The following SRRM3 variants were observed in gnomAD, a reference collection of about 807,000 sequenced individuals.
The protein encoded by SRRM3 is serine/arginine repetitive matrix 3, also known as serine/arginine repetitive matrix protein 3.
SRRM3 carries 27 observed loss-of-function variants against 66.2 expected under a neutral mutation model. That is an observed-to-expected ratio of 0.41 (90% CI 0.30 to 0.56). SRRM3 has a LOEUF of 0.56. Among genes scored for constraint, SRRM3 ranks in the 20% least tolerant of loss-of-function variants. SRRM3 has a pLI of 0.32. For synonymous variants in SRRM3, 391 were observed against 414.9 expected, an observed-to-expected ratio of 0.94 and a Z score of 0.70; for missense variants, 918 against 991.9, an observed-to-expected ratio of 0.93 and a Z score of 1.00.
At chr7:76,244,689 G>T (rs1044600164) in intron 2 of SRRM3, among the ~76,000 whole-genome samples, 2 of 151,898 alleles carry the variant, frequency 1.3e-5, no homozygotes, top group East Asian at 3.9e-4. Context: ...TCCATTTCTC[G>T]CCCTTCATCC....
At chr7:76,246,078 G>A (rs1377161850) in intron 2 of SRRM3, among the ~76,000 whole-genome samples, 3 of 152,210 alleles carry the variant, frequency 2.0e-5, no homozygotes, top group Middle Eastern at 3.4e-3. Context: ...CCTAGACAAC[G>A]ACCTGCAGCC....
chr7:76,281,322 GTC>G lies in SRRM3; in HGVS notation c.1009-115_1009-114del, dbSNP rs1554611867. On this transcript the variant is annotated intron_variant, in intron 11 of 14. Coordinates refer to ENST00000611745, the MANE Select transcript of SRRM3 (RefSeq NM_001110199.3). The stretch of plus-strand genomic sequence containing the variant: ...CTCCCTCTTTCCTCTTTCTGTCTCT[GTC>G]TCTGTCTCTTTCTTTCAATCTCTCT... The G allele has an allele frequency of 4.4e-6, 3 of 684,788 alleles. No individual in the cohort carries two copies. In the African/African-American group the frequency reaches 5.9e-5, roughly 13 times the overall value. The allele number at this position is 684,788 out of a possible 1,614,324, so 42.4% of individuals were successfully genotyped here. A position where few individuals can be genotyped will look rare whatever the true frequency, so the allele number is the denominator to read the frequency against.
chr7:76,206,405 G>A (rs1370226473), intron 1 of SRRM3, among the ~76,000 whole-genome samples: 1 of 152,114 alleles, frequency 6.6e-6, no homozygotes, highest in Admixed American at 6.6e-5. Context: ...GGAGTGGGAT[G>A]CCCAGGAGAA....
At chr7:76,214,323 A>T (rs1583868721) in intron 1 of SRRM3, among the ~76,000 whole-genome samples, 1 of 151,316 alleles carries the variant, frequency 6.6e-6, no homozygotes, top group African/African-American at 2.4e-5. Context: ...GGCAAGGAAG[A>T]CCTCCCTTCA....
At chr7:76,210,231 G>C (rs572244649) in intron 1 of SRRM3, among the ~76,000 whole-genome samples, 18 of 152,136 alleles carry the variant, frequency 1.2e-4, no homozygotes, top group Non-Finnish European at 2.4e-4. Context: ...AGAGGAGTGG[G>C]CTTCAAGACT....
At chr7:76,217,581 TG>T (rs2116954194) in intron 1 of SRRM3, among the ~76,000 whole-genome samples, 1 of 152,244 alleles carries the variant, frequency 6.6e-6, no homozygotes, top group East Asian at 1.9e-4. Flanking sequence ...CCATCACACC[TG>T]GGCGCAAATG....
chr7:76,261,325 C>A, intron 6 of SRRM3, 27 bp from the exon 7 acceptor site: 1 of 659,056 alleles, frequency 1.5e-6, no homozygotes, highest in Non-Finnish European at 2.4e-6. Flanking sequence ...CCCCAGCTCA[C>A]TAGAGCCCAC....
chr7:76,205,564 C>G (rs1800280571), intron 1 of SRRM3, among the ~76,000 whole-genome samples: 2 of 152,204 alleles, frequency 1.3e-5, no homozygotes, highest in Admixed American at 1.3e-4. Flanking sequence ...CCCCAAAATT[C>G]CATGAATAAG....
At chr7:76,246,558 C>T (rs570755387) in intron 2 of SRRM3, among the ~76,000 whole-genome samples, 1 of 151,726 alleles carries the variant, frequency 6.6e-6, no homozygotes. Context: ...AACGAAACTC[C>T]GTCTCAAAAA....
intron 1 of SRRM3, among the ~76,000 whole-genome samples, chr7:76,216,641 T>C (rs1453410521): frequency 6.6e-6 from 1 of 152,036 alleles, no homozygotes; most frequent in Non-Finnish European, 1.5e-5. Context: ...GGTGGGAGGG[T>C]CAGGCTCTCA....
At chr7:76,206,141 A>G (rs782307684) in intron 1 of SRRM3, among the ~76,000 whole-genome samples, 1 of 152,132 alleles carries the variant, frequency 6.6e-6, no homozygotes, top group Non-Finnish European at 1.5e-5. Context: ...CCGAATAGCT[A>G]GGACTGCAGG....
chr7:76,246,363 T>C (rs1412895318), intron 2 of SRRM3, among the ~76,000 whole-genome samples: 5 of 151,792 alleles, frequency 3.3e-5, no homozygotes, highest in African/African-American at 1.2e-4. Flanking sequence ...CAGGAGTTCA[T>C]GACCAGCCTG....
At position 76,265,359 on chromosome 7, in the gene SRRM3, G is replaced by C. The variant is rs782636737; in HGVS notation, c.726-5G>C. On this transcript the variant is annotated splice_region_variant and splice_polypyrimidine_tract_variant and intron_variant, in intron 9 of 14. Transcript: ENST00000611745. ...GTACAGGCTGATTTCCCCCATCCAC[G>C]CCAGGCCTCACACAGAGTCCCCAGG... 1.3e-6 allele frequency: 2 copies of C among 1,592,620 alleles called. No individual in the cohort carries two copies. The highest frequency in any genetic ancestry group is 1.1e-5 in the South Asian group (1 of 87,342).
intron 11 of SRRM3, among the ~76,000 whole-genome samples, chr7:76,270,580 G>A (rs782413670): frequency 6.6e-6 from 1 of 152,102 alleles, no homozygotes; most frequent in Non-Finnish European, 1.5e-5. Flanking sequence ...GGGAGGCTGA[G>A]GTGGGCAGAT....
At chr7:76,255,310 C>A (rs1353043947) in intron 3 of SRRM3, among the ~76,000 whole-genome samples, 1 of 151,932 alleles carries the variant, frequency 6.6e-6, no homozygotes, top group Non-Finnish European at 1.5e-5. Flanking sequence ...CCACCACACC[C>A]AGCTAATTTT....
At chr7:76,239,055 G>A (rs567968641) in intron 2 of SRRM3, among the ~76,000 whole-genome samples, 10 of 150,616 alleles carry the variant, frequency 6.6e-5, no homozygotes, top group East Asian at 2.0e-4. Flanking sequence ...TCCCTTAGGC[G>A]GAGTTTCACT....
intron 2 of SRRM3, among the ~76,000 whole-genome samples, chr7:76,237,203 C>G (rs1431461374): frequency 2.0e-5 from 3 of 152,124 alleles, no homozygotes; most frequent in Non-Finnish European, 2.9e-5. Context: ...GTCAGGAGAT[C>G]GAGATCATCC....
intron 11 of SRRM3, among the ~76,000 whole-genome samples, chr7:76,279,427 G>A (rs1802440384): frequency 2.0e-5 from 3 of 151,620 alleles, no homozygotes; most frequent in Non-Finnish European, 1.5e-5. Context: ...CATCTGCCCT[G>A]GAGGTGCTAA....
chr7:76,269,899 T>A (rs1345911983), intron 11 of SRRM3: 2 of 151,994 alleles, frequency 1.3e-5, no homozygotes, highest in Non-Finnish European at 2.9e-5. Flanking sequence ...GGCTTTTGAA[T>A]TTTAAGTGAA....
Sources: allele counts gnomAD v4.1 joint callset (sites outside exome capture counted in the v4.1 genomes callset), GRCh38; gene constraint gnomAD v4.1.1; transcripts MANE v1.5; gene names NCBI Gene and HGNC (gene_info 2026-07-23, HGNC 2026-07-21).